Variants in EPS8L3 observed in about 807,000 individuals in gnomAD.
EPS8L3 encodes the protein EPS8 signaling adaptor L3.
Under a neutral mutation model 88.5 loss-of-function variants are expected in EPS8L3, and 80 were observed. The ratio of observed to expected loss-of-function variants is 0.90; its 90% CI spans 0.75 to 1.09. The LOEUF (loss-of-function observed/expected upper bound fraction) is 1.09. EPS8L3 is among the 50% of genes least tolerant of loss of function. The probability of loss-of-function intolerance (pLI) is 0.00; values close to 1 mark genes in which losing one functional copy is unlikely to be tolerated. For missense variants in EPS8L3, 721 were observed against 735.2 expected, an observed-to-expected ratio of 0.98 and a Z score of 0.22; for synonymous variants, 286 against 291.0, an observed-to-expected ratio of 0.98 and a Z score of 0.18.
At chr1:109,757,210 G>A in intron 11 of EPS8L3, 45 bp from the exon 12 acceptor site, 2 of 1,538,496 alleles carry the variant, frequency 1.3e-6, no homozygotes, top group African/African-American at 1.4e-5. Flanking sequence ...GCTCCCACAG[G>A]GCCCAGTGAG....
chr1:109,761,545 A>G lies in EPS8L3; in HGVS notation c.46T>C (p.Tyr16His), dbSNP rs369095233. 35 of 1,613,000 alleles carry G rather than the reference A, an allele frequency of 2.2e-5. No homozygotes were observed. The highest frequency in any genetic ancestry group is 2.5e-5 in the Non-Finnish European group (29 of 1,179,678). The change falls in exon 3 of 19, where the codon TAC becomes CAC. Residue 16 changes from tyrosine (Y) to histidine (H), a missense_variant. Physicochemically the swap from Tyr to His is moderately conservative, Grantham distance 83. Transcript: ENST00000361965. ...GGCTCTGAGGTGAGGTTCTGGGAGT[A>G]CTCCTTCCGGTGCACTACAAGGGCA... ...SRAIYLHRKEYSQNLTSEPTL... is the reference protein window; with the variant it reads ...SRAIYLHRKEHSQNLTSEPTL...
intron 16 of EPS8L3, 110 bp from the exon 17 acceptor site, chr1:109,751,461 CTG>C: frequency 7.3e-7 from 1 of 1,365,696 alleles, no homozygotes; most frequent in South Asian, 1.2e-5. Flanking sequence ...TTCTCTTACT[CTG>C]TGGCTTTCTG....
At chr1:109,754,298 C>T (rs1336914420) in intron 12 of EPS8L3, among the ~76,000 whole-genome samples, 1 of 152,168 alleles carries the variant, frequency 6.6e-6, no homozygotes, top group Non-Finnish European at 1.5e-5. Context: ...ATCCAATGGC[C>T]TTGTATGGTC....
rs1450048972 is a variant in EPS8L3, at chr1:109,750,274, G to A, written c.*117C>T. ...CATTGTTTTTGCTGTGTGAGCTGGG[G>A]TGTGGGGTTTGCTGCAAACTGGGAT... On this transcript the variant is annotated 3_prime_UTR_variant, in exon 19 of 19. Coordinates refer to ENST00000361965, the MANE Select transcript of EPS8L3 (RefSeq NM_133181.4). 7.2e-6 allele frequency: 9 copies of A among 1,247,054 alleles called. No homozygotes were observed. The East Asian group carries it at 1.7e-4, about 24-fold the overall frequency. 77.2% of individuals were successfully genotyped at this position (1,247,054 alleles called of 1,614,324 possible).
rs57530127 is a variant in EPS8L3, at chr1:109,752,642, T to C, written c.1235+44A>G. 17,893 of 1,533,144 alleles carry C rather than the reference T, an allele frequency of 0.012. 1,237 individuals carry two copies. In the African/African-American group the frequency reaches 0.17, roughly 15 times the overall value. The allele number at this position is 1,533,144 out of a possible 1,614,324, so 95.0% of individuals were successfully genotyped here. A position where few individuals can be genotyped will look rare whatever the true frequency, so the allele number is the denominator to read the frequency against. ...AGATCCAAAGGAACAGCCCTGTCCCTCCCTCCCCAGGACCACGCAGTCCCT... is the reference window on the plus strand; with the variant it reads ...AGATCCAAAGGAACAGCCCTGTCCCCCCCTCCCCAGGACCACGCAGTCCCT... On this transcript the variant is annotated intron_variant, in intron 14 of 18. Coordinates refer to ENST00000361965, the MANE Select transcript of EPS8L3 (RefSeq NM_133181.4).
chr1:109,758,699 A>G, intron 6 of EPS8L3, 36 bp from the exon 7 acceptor site: 1 of 1,525,896 alleles, frequency 6.6e-7, no homozygotes, highest in Non-Finnish European at 8.8e-7. Context: ...ATCTTTGACA[A>G]GGTTCTTTGG....
Position 109,759,373 on chromosome 1 carries a change from A to G in EPS8L3, c.270T>C (p.Ser90=), listed in dbSNP as rs1650668526. ...LDIETKEELD[S]YRLDSIQAMN... is the part of the protein sequence containing the mutation. ...TGGCCTGGATGCTGTCTAGGCGGTA[A>G]GAGTCCAGCTCCTCCTGGGCCAGGT... Residue 90 remains serine, a synonymous_variant, in exon 5 of 19, where the codon TCT becomes TCC. Transcript: ENST00000361965. The surrounding 1 kb of genome is among the most constrained non-coding windows in gnomAD (Gnocchi z 4.2). 3 of 1,614,054 alleles carry G rather than the reference A, an allele frequency of 1.9e-6. No homozygotes were observed. The highest frequency in any genetic ancestry group is 2.2e-5 in the East Asian group (1 of 44,878).
Position 109,751,698 on chromosome 1 carries a change from G to A in EPS8L3, c.1519C>T (p.Leu507=). 6.2e-7 allele frequency: 1 copy of A among 1,613,952 alleles called. No homozygotes were observed. Among genetic ancestry groups the A allele is most frequent in the South Asian group, 1.1e-5 (1 of 91,068 alleles). ...GYIPSNILEP[L]QPGTPGTQGQ... ...TGGGTCCCAGGGGTCCCCGGCTGTAGGGGCTCCAGGATGTTGCTTGGAATG... is the reference window on the plus strand; with the variant it reads ...TGGGTCCCAGGGGTCCCCGGCTGTAAGGGCTCCAGGATGTTGCTTGGAATG... The change falls in exon 16 of 19, where the codon CTA becomes TTA. Residue 507 remains leucine (L), a synonymous_variant. Transcript: ENST00000361965.
Position 109,752,052 on chromosome 1 carries a change from G to A in EPS8L3, c.1377C>T (p.Tyr459=), listed in dbSNP as rs546054799. Residue 459 remains tyrosine, a synonymous_variant, in exon 15 of 19, where the codon TAC becomes TAT. Coordinates refer to ENST00000361965, the MANE Select transcript of EPS8L3 (RefSeq NM_133181.4). ...CCCGTGGGTTCCTAGCTTCAAACTC[G>A]TACAAGACTTGCATTTTCAGGGCTG... ...AQPALKMQVL[Y]EFEARNPREL... is the part of the protein sequence containing the mutation. The A allele has an allele frequency of 5.7e-5, 92 of 1,613,946 alleles. No homozygotes were observed. The South Asian group carries it at 6.9e-4, about 12-fold the overall frequency.
In EPS8L3 at chr1:109,751,283, G is replaced by A; in HGVS notation, c.1632C>T (p.Ser544=). 5.0e-6 allele frequency: 8 copies of A among 1,613,736 alleles called. No homozygotes were observed. The highest frequency in any genetic ancestry group is 4.0e-5 in the African/African-American group (3 of 75,024). Residue 544 remains serine (S), a synonymous_variant, in exon 17 of 19, where the codon TCC becomes TCT. Coordinates refer to ENST00000361965, the MANE Select transcript of EPS8L3 (RefSeq NM_133181.4). The stretch of plus-strand genomic sequence containing the variant: ...CTGTAGGGCCAGGCACTCACGCAGT[G>A]GAGAAGTTCTCTGCCTGCAGCCAGT... ...VTDWLQAENF[S]TATVRTLGSL...
Position 109,758,075 on chromosome 1 carries a change from C to G in EPS8L3, c.718-17G>C. 1 of 1,610,452 alleles carries G rather than the reference C, an allele frequency of 6.2e-7. No homozygotes were observed. Among genetic ancestry groups the G allele is most frequent in the Non-Finnish European group, 8.5e-7 (1 of 1,177,488 alleles). On this transcript the variant is annotated splice_polypyrimidine_tract_variant and intron_variant, in intron 8 of 18. Coordinates refer to ENST00000361965, the MANE Select transcript of EPS8L3 (RefSeq NM_133181.4). ...CAGCACTTCCTGGGCCCCAAACAAC[C>G]CATGGCCTTGAACGGGCAGTTGGGC...
In EPS8L3 at chr1:109,759,848, G is replaced by C. The variant is rs773527493; in HGVS notation, c.97-12C>G. 2.5e-6 allele frequency: 4 copies of C among 1,612,644 alleles called. No individual in the cohort carries two copies. The highest frequency in any genetic ancestry group is 1.6e-4 in the Middle Eastern group (1 of 6,084). ...CATGTCATCAAGTGCTGCAGGGAGA[G>C]GGGGAGTCCTAGGACTGGGAGAAAG... On this transcript the variant is annotated splice_polypyrimidine_tract_variant and intron_variant, in intron 3 of 18. Coordinates refer to ENST00000361965, the MANE Select transcript of EPS8L3 (RefSeq NM_133181.4). This position sits in a 1 kb window ranked among gnomAD's most constrained non-coding sequence, Gnocchi z 4.2.
At chr1:109,761,629 G>GA in intron 2 of EPS8L3, 70 bp from the exon 3 acceptor site, 1 of 1,596,792 alleles carries the variant, frequency 6.3e-7, no homozygotes, top group Non-Finnish European at 8.6e-7. Flanking sequence ...AACTGCTGGG[G>GA]GCAGTTGGTG....
Position 109,759,486 on chromosome 1 carries a change from CTGAGG to C in EPS8L3, c.256-104_256-100del, listed in dbSNP as rs1306807057. On this transcript the variant is annotated intron_variant, in intron 4 of 18. Transcript: ENST00000361965. This position sits in a 1 kb window ranked among gnomAD's most constrained non-coding sequence, Gnocchi z 4.2. ...ATCCTAGCCCTTTGGTGGCCTAGGG[CTGAGG>C]TGTCATCTACCTGACTCTTGTGCCT... 1.9e-6 allele frequency: 3 copies of C among 1,551,182 alleles called. No homozygotes were observed. The highest frequency in any genetic ancestry group is 2.6e-6 in the Non-Finnish European group (3 of 1,147,154).
rs1242280872 is a variant in EPS8L3, at chr1:109,759,246, C to T, written c.397G>A (p.Glu133Lys). ...GTSTLLFQCQ[E>K]VGAERLKTSL... The stretch of plus-strand genomic sequence containing the variant: ...CACCCCCGACCACTCACCCCCACTT[C>T]CTGGCACTGGAAGAGCAGAGTGCTA... The change falls in exon 5 of 19, where the codon GAA becomes AAA. Residue 133 changes from glutamate (E) to lysine (K), a missense_variant. Physicochemically the swap from Glu to Lys is moderately conservative, Grantham distance 56 (BLOSUM62 1). Coordinates refer to ENST00000361965, the MANE Select transcript of EPS8L3 (RefSeq NM_133181.4). This position sits in a 1 kb window ranked among gnomAD's most constrained non-coding sequence, Gnocchi z 4.2. 6.2e-7 allele frequency: 1 copy of T among 1,613,756 alleles called. No individual in the cohort carries two copies. The highest frequency in any genetic ancestry group is 1.3e-5 in the African/African-American group (1 of 74,872).
At position 109,750,103 on chromosome 1, in the gene EPS8L3, G is replaced by C. The variant is rs1000196742; in HGVS notation, c.*288C>G. The C allele has an allele frequency of 3.5e-5, 17 of 479,858 alleles. No individual in the cohort carries two copies. Among genetic ancestry groups the C allele is most frequent in the African/African-American group, 3.3e-4 (17 of 51,098 alleles). The allele number at this position is 479,858 out of a possible 1,614,324, so 29.7% of individuals were successfully genotyped here. A position where few individuals can be genotyped will look rare whatever the true frequency, so the allele number is the denominator to read the frequency against. On this transcript the variant is annotated 3_prime_UTR_variant, in exon 19 of 19. Coordinates refer to ENST00000361965, the MANE Select transcript of EPS8L3 (RefSeq NM_133181.4). The stretch of plus-strand genomic sequence containing the variant: ...TGACAAGCTTGAAGATGCTTTTATT[G>C]AGAAGGAGAGGGACTGAACAGATTC...
At chr1:109,753,228 T>G (rs747785327) in intron 12 of EPS8L3, 30 bp from the exon 13 acceptor site, 4 of 1,550,094 alleles carry the variant, frequency 2.6e-6, no homozygotes, top group Non-Finnish European at 3.5e-6. Flanking sequence ...TGAGTTCACA[T>G]CCACTCTGTG....
rs935904237 is a variant in EPS8L3, at chr1:109,750,778, A to T, written c.1652T>A (p.Leu551His). ...ENFSTATVRT[L>H]GSLTGSQLLR... ...TAGCTGGCTCCCCGTCAGGGACCCAAGTGTCCTCACCGTGCTGTGAACAAA... is the reference window on the plus strand; with the variant it reads ...TAGCTGGCTCCCCGTCAGGGACCCATGTGTCCTCACCGTGCTGTGAACAAA... The change falls in exon 18 of 19, where the codon CTT becomes CAT. Residue 551 changes from leucine (L) to histidine (H), a missense_variant. By Grantham distance (99) the Leu-to-His change is moderately conservative (BLOSUM62 -3). Coordinates refer to ENST00000361965, the MANE Select transcript of EPS8L3 (RefSeq NM_133181.4). The T allele has an allele frequency of 2.5e-6, 4 of 1,614,044 alleles. No homozygotes were observed. Among genetic ancestry groups the T allele is most frequent in the African/African-American group, 1.3e-5 (1 of 74,916 alleles).
chr1:109,759,708 G>T lies in EPS8L3; in HGVS notation c.225C>A (p.Gly75=), dbSNP rs1338425275. 3.1e-6 allele frequency: 5 copies of T among 1,613,844 alleles called. No homozygotes were observed. The highest frequency in any genetic ancestry group is 4.2e-6 in the Non-Finnish European group (5 of 1,180,014). The change falls in exon 4 of 19, where the codon GGC becomes GGA. Residue 75 remains glycine (G), a synonymous_variant. Transcript: ENST00000361965. The surrounding 1 kb of genome is among the most constrained non-coding windows in gnomAD (Gnocchi z 4.2). ...TCTCAATGTCCAGCAGCTGCAGCCA[G>T]CCGTCCCTGACCTGCAGGATCAAGT... ...SQDLILQVRD[G]WLQLLDIETK...
Sources: gnomAD v4.1 joint callset for allele counts (sites outside exome capture counted in the v4.1 genomes callset) on GRCh38, gnomAD v4.1.1 for gene constraint, Gnocchi (gnomAD v3.1) non-coding constraint, MANE v1.5 for transcripts, NCBI Gene and HGNC (gene_info 2026-07-23, HGNC 2026-07-21) for gene names.